The following VPS13B variants were observed in gnomAD, a reference collection of about 807,000 sequenced individuals.
VPS13B encodes intermembrane lipid transfer protein VPS13B.
VPS13B carries 285 observed loss-of-function variants against 426.4 expected under a neutral mutation model. That is an observed-to-expected ratio of 0.67 (90% CI 0.61 to 0.74). VPS13B has a LOEUF of 0.74. Ranked by LOEUF, VPS13B falls within the 30% of genes least tolerant of loss-of-function variation. The pLI, the probability that VPS13B is intolerant of heterozygous loss-of-function variation, is 0.00. For missense variants in VPS13B, 4,537 were observed against 4,782.6 expected (o/e 0.95, Z 1.51); for synonymous variants, 1,676 against 1,676.4 (o/e 1.00, Z 0.01).
chr8:99,084,194 G>A (rs1399818968), intron 3 of VPS13B, among the ~76,000 whole-genome samples: 2 of 151,872 alleles, frequency 1.3e-5, no homozygotes, highest in Non-Finnish European at 2.9e-5. Flanking sequence ...GGGAGGGTGT[G>A]TCGAGGAATT....
intron 16 of VPS13B, among the ~76,000 whole-genome samples, chr8:99,184,829 A>G (rs1273896684): frequency 6.6e-6 from 1 of 152,132 alleles, no homozygotes; most frequent in African/African-American, 2.4e-5. Context: ...CGTCTCTACC[A>G]AAAATACAAA....
At chr8:99,704,264 A>G (rs1435845917) in intron 36 of VPS13B, among the ~76,000 whole-genome samples, 1 of 152,194 alleles carries the variant, frequency 6.6e-6, no homozygotes, top group African/African-American at 2.4e-5. Context: ...GCCTTTTCTC[A>G]TGTTCACTGA....
chr8:99,872,480 C>G (rs1420394023), intron 61 of VPS13B, among the ~76,000 whole-genome samples: 1 of 152,164 alleles, frequency 6.6e-6, no homozygotes, highest in Admixed American at 6.5e-5. Flanking sequence ...GATGCGCAGG[C>G]AAGGCATACT....
chr8:99,310,570 G>T (rs1408088719), intron 19 of VPS13B, among the ~76,000 whole-genome samples: 4 of 152,196 alleles, frequency 2.6e-5, no homozygotes, highest in Non-Finnish European at 5.9e-5. Context: ...TTTTTGATGT[G>T]TTGCTGGATT....
At chr8:99,740,448 A>G (rs1383783156) in intron 39 of VPS13B, among the ~76,000 whole-genome samples, 1 of 152,224 alleles carries the variant, frequency 6.6e-6, no homozygotes, top group Admixed American at 6.5e-5. Flanking sequence ...GCAGGCCAAC[A>G]TTCAAATTCA....
At chr8:99,519,840 T>C (rs1822278196) in intron 29 of VPS13B, among the ~76,000 whole-genome samples, 2 of 151,174 alleles carry the variant, frequency 1.3e-5, no homozygotes, top group African/African-American at 2.4e-5. Flanking sequence ...TTAGGAGATA[T>C]ACCTAATGTA....
chr8:99,346,009 AGTGGGCAGGCAG>A (rs1172198481), intron 19 of VPS13B: 4 of 154,246 alleles, frequency 2.6e-5, no homozygotes, highest in Admixed American at 6.5e-5. Flanking sequence ...CAGATAGCAG[AGTGGGCAGGCAG>A]GTGGGCAGGC....
chr8:99,365,504 C>CTTG (rs1225059712), intron 19 of VPS13B, among the ~76,000 whole-genome samples: 2 of 58,092 alleles, frequency 3.4e-5, no homozygotes, highest in African/African-American at 1.2e-4. Flanking sequence ...CAATTTTCTT[C>CTTG]TTCTTCTTCT....
At chr8:99,515,975 G>T (rs948364470) in intron 29 of VPS13B, among the ~76,000 whole-genome samples, 2 of 151,698 alleles carry the variant, frequency 1.3e-5, no homozygotes, top group African/African-American at 4.8e-5. Context: ...ACTTTTTTGT[G>T]TTCAGCCTTT....
At chr8:99,212,990 T>C (rs998148137) in intron 17 of VPS13B, among the ~76,000 whole-genome samples, 2 of 152,216 alleles carry the variant, frequency 1.3e-5, no homozygotes, top group Non-Finnish European at 2.9e-5. Context: ...CCTCTGCAAA[T>C]ACTTCTCTCC....
At chr8:99,582,724 C>G (rs901186096) in intron 33 of VPS13B, among the ~76,000 whole-genome samples, 1 of 152,060 alleles carries the variant, frequency 6.6e-6, no homozygotes, top group Non-Finnish European at 1.5e-5. Context: ...GGCGCAATCT[C>G]GGCTCACTGC....
intron 51 of VPS13B, among the ~76,000 whole-genome samples, chr8:99,829,710 G>T (rs1814934953): frequency 6.6e-6 from 1 of 152,130 alleles, no homozygotes; most frequent in African/African-American, 2.4e-5. Flanking sequence ...TTTTTGTGCT[G>T]GTTTTTCCTC....
intron 40 of VPS13B, among the ~76,000 whole-genome samples, chr8:99,772,349 TA>T (rs1313513470): frequency 6.6e-6 from 1 of 152,044 alleles, no homozygotes; most frequent in Non-Finnish European, 1.5e-5. Flanking sequence ...TAACATAAAA[TA>T]AAATAGAAAA....
In VPS13B at chr8:99,875,558, C is replaced by G. The variant is rs755231498; in HGVS notation, c.11886C>G (p.Pro3962=). ...CTGTGGTGGCTGCAGAACCTCCCCC[C>G]TCCACTGTTAAAACATACCATTACC... ...PCPVVAAEPP[P]STVKTYHYLV... Residue 3962 remains proline, a synonymous_variant, in exon 62 of 62, where the codon CCC becomes CCG. Transcript: ENST00000357162. 1.2e-6 allele frequency: 2 copies of G among 1,614,190 alleles called. No homozygotes were observed. The highest frequency in any genetic ancestry group is 2.2e-5 in the East Asian group (1 of 44,884).
intron 21 of VPS13B, among the ~76,000 whole-genome samples, chr8:99,420,998 G>A (rs1006091098): frequency 5.9e-5 from 9 of 151,828 alleles, no homozygotes; most frequent in South Asian, 2.1e-4. Flanking sequence ...AACTGTTTTC[G>A]TATACATTAC....
intron 17 of VPS13B, among the ~76,000 whole-genome samples, chr8:99,270,667 A>G (rs185242107): frequency 1.3e-5 from 2 of 152,296 alleles, no homozygotes; most frequent in Admixed American, 1.3e-4. Flanking sequence ...TTGGTTCTGA[A>G]CACCATCAAC....
intron 17 of VPS13B, among the ~76,000 whole-genome samples, chr8:99,237,659 G>T (rs1182168021): frequency 1.3e-5 from 2 of 152,042 alleles, no homozygotes; most frequent in South Asian, 4.2e-4. Context: ...TGATGGTGAG[G>T]GATAAAAGAC....
intron 2 of VPS13B, among the ~76,000 whole-genome samples, chr8:99,032,425 C>T (rs1037694207): frequency 1.3e-5 from 2 of 151,614 alleles, no homozygotes; most frequent in Admixed American, 6.6e-5. Flanking sequence ...TTTTGTTCCT[C>T]TGATATTTAT....
At chr8:99,084,261 C>G (rs1238806159) in intron 3 of VPS13B, among the ~76,000 whole-genome samples, 1 of 152,180 alleles carries the variant, frequency 6.6e-6, no homozygotes, top group East Asian at 1.9e-4. Flanking sequence ...GTAGTATTCT[C>G]TGATGATAGT....
Sources: allele counts gnomAD v4.1 joint callset (sites outside exome capture counted in the v4.1 genomes callset), GRCh38; gene constraint gnomAD v4.1.1; transcripts MANE v1.5; gene names NCBI Gene and HGNC (gene_info 2026-07-23, HGNC 2026-07-21).